GUCY1A2: variants seen among roughly 807,000 people sequenced by gnomAD.
GUCY1A2 encodes guanylate cyclase soluble subunit alpha-2.
GUCY1A2 carries 27 observed loss-of-function variants against 63.5 expected under a neutral mutation model. That is an observed-to-expected ratio of 0.43 (90% confidence interval 0.31 to 0.59). GUCY1A2 has a LOEUF of 0.59. Among genes scored for constraint, GUCY1A2 ranks in the 20% least tolerant of loss-of-function variants. The probability of loss-of-function intolerance (pLI) is 0.11; values close to 1 mark genes in which losing one functional copy is unlikely to be tolerated. For missense variants in GUCY1A2, 768 were observed against 913.3 expected, an observed-to-expected ratio of 0.84 and a Z score of 2.05; for synonymous variants, 364 against 343.5, an observed-to-expected ratio of 1.06 and a Z score of -0.66.
At chr11:106,816,047 T>C (rs1370089058) in intron 4 of GUCY1A2, among the ~76,000 whole-genome samples, 1 of 151,572 alleles carries the variant, frequency 6.6e-6, no homozygotes, top group Non-Finnish European at 1.5e-5. Flanking sequence ...TTTGTTACAG[T>C]AGCCACAGAA....
intron 4 of GUCY1A2, among the ~76,000 whole-genome samples, chr11:106,813,113 T>C (rs1315796234): frequency 6.6e-6 from 1 of 151,986 alleles, no homozygotes; most frequent in East Asian, 1.9e-4. Flanking sequence ...ATAAAAGAAT[T>C]GTGGAAAATT....
intron 4 of GUCY1A2, among the ~76,000 whole-genome samples, chr11:106,819,818 A>G (rs1858877977): frequency 6.6e-6 from 1 of 152,188 alleles, no homozygotes; most frequent in Admixed American, 6.5e-5. Context: ...AAAGAAAAAA[A>G]ATACTGTCTT....
intron 6 of GUCY1A2, among the ~76,000 whole-genome samples, chr11:106,739,517 T>A (rs575608264): frequency 2.0e-5 from 3 of 152,190 alleles, no homozygotes; most frequent in African/African-American, 7.2e-5. Flanking sequence ...TTTTACAGAT[T>A]AGGGAATTGA....
chr11:106,792,136 C>A (rs1198665588), intron 5 of GUCY1A2, among the ~76,000 whole-genome samples: 1 of 152,020 alleles, frequency 6.6e-6, no homozygotes, highest in Non-Finnish European at 1.5e-5. Flanking sequence ...GTCTGTAATC[C>A]CAGCACTTTG....
At chr11:107,017,727 G>T in intron 1 of GUCY1A2, 26 bp downstream of exon 1, 3 of 1,311,744 alleles carry the variant, frequency 2.3e-6, no homozygotes, top group Non-Finnish European at 2.0e-6. Flanking sequence ...CCCCGAAGGC[G>T]GTCCCCCCTT....
intron 4 of GUCY1A2, among the ~76,000 whole-genome samples, chr11:106,867,920 T>C (rs973893539): frequency 1.2e-4 from 18 of 152,052 alleles, no homozygotes; most frequent in African/African-American, 4.3e-4. Flanking sequence ...ATGACATTTG[T>C]TCCAAATTTA....
chr11:106,691,624 A>G (rs1283850245), intron 7 of GUCY1A2, among the ~76,000 whole-genome samples: 1 of 152,202 alleles, frequency 6.6e-6, no homozygotes, highest in Non-Finnish European at 1.5e-5. Flanking sequence ...AGAACTTTTA[A>G]ATAATTCACT....
At chr11:106,851,372 A>G (rs916324278) in intron 4 of GUCY1A2, among the ~76,000 whole-genome samples, 18 of 151,714 alleles carry the variant, frequency 1.2e-4, no homozygotes, top group Non-Finnish European at 2.4e-4. Flanking sequence ...CCATTTACCT[A>G]TATTTCTTTT....
intron 6 of GUCY1A2, among the ~76,000 whole-genome samples, chr11:106,717,580 A>G (rs537372854): frequency 6.6e-6 from 1 of 152,238 alleles, no homozygotes; most frequent in South Asian, 2.1e-4. Context: ...ATAGAAAAAG[A>G]AGAAAGTCTT....
intron 4 of GUCY1A2, among the ~76,000 whole-genome samples, chr11:106,893,340 A>G (rs907207230): frequency 6.6e-6 from 1 of 152,200 alleles, no homozygotes. Flanking sequence ...CTGAAATCAA[A>G]ATGTACAAAA....
At chr11:106,748,216 G>T (rs910103836) in intron 6 of GUCY1A2, among the ~76,000 whole-genome samples, 1 of 152,158 alleles carries the variant, frequency 6.6e-6, no homozygotes, top group Non-Finnish European at 1.5e-5. Context: ...TGATAATAGA[G>T]CTATCCTCTT....
At chr11:106,874,549 A>C (rs2135466622) in intron 4 of GUCY1A2, among the ~76,000 whole-genome samples, 1 of 152,246 alleles carries the variant, frequency 6.6e-6, no homozygotes, top group Middle Eastern at 3.4e-3. Flanking sequence ...TAATTTTAGT[A>C]TGCCATTGTT....
At chr11:106,879,010 T>A (rs1186123755) in intron 4 of GUCY1A2, among the ~76,000 whole-genome samples, 6 of 152,106 alleles carry the variant, frequency 3.9e-5, no homozygotes, top group Non-Finnish European at 8.8e-5. Flanking sequence ...TTGCTTTCAA[T>A]AAATACTGTT....
At chr11:106,775,837 A>T (rs1864347963) in intron 6 of GUCY1A2, among the ~76,000 whole-genome samples, 1 of 152,130 alleles carries the variant, frequency 6.6e-6, no homozygotes, top group African/African-American at 2.4e-5. Context: ...GCTCAAGCAG[A>T]AATATGGTAG....
chr11:106,908,592 AG>A (rs778911327), intron 4 of GUCY1A2, among the ~76,000 whole-genome samples: 3 of 151,932 alleles, frequency 2.0e-5, no homozygotes, highest in South Asian at 2.1e-4. Flanking sequence ...AGGATGATAA[AG>A]GGTTTTAAAC....
At chr11:107,011,591 A>C (rs1317152402) in intron 1 of GUCY1A2, among the ~76,000 whole-genome samples, 1 of 143,590 alleles carries the variant, frequency 7.0e-6, no homozygotes. Context: ...ATAATATATA[A>C]ATATATATCT....
intron 6 of GUCY1A2, among the ~76,000 whole-genome samples, chr11:106,754,571 G>C (rs1304134498): frequency 6.6e-6 from 1 of 152,216 alleles, no homozygotes; most frequent in Non-Finnish European, 1.5e-5. Context: ...ATGAAGGGCT[G>C]TTGAATTTCG....
intron 6 of GUCY1A2, among the ~76,000 whole-genome samples, chr11:106,756,298 T>C (rs1034349701): frequency 5.9e-5 from 9 of 152,226 alleles, no homozygotes; most frequent in Non-Finnish European, 1.2e-4. Context: ...TGACTCTTCA[T>C]CCAATTTGCT....
intron 6 of GUCY1A2, among the ~76,000 whole-genome samples, chr11:106,756,231 CTA>C (rs1863971574): frequency 2.0e-5 from 3 of 152,120 alleles, no homozygotes; most frequent in Admixed American, 6.5e-5. Flanking sequence ...TATTTTGAAC[CTA>C]TGTGTGTCTT....
Sources: allele counts gnomAD v4.1 joint callset (sites outside exome capture counted in the v4.1 genomes callset), GRCh38; gene constraint gnomAD v4.1.1; transcripts MANE v1.5; gene names NCBI Gene and HGNC (gene_info 2026-07-23, HGNC 2026-07-21).